Variants in GAB1 observed in about 807,000 individuals in gnomAD.
GAB1 encodes the protein GRB2-associated-binding protein 1.
A neutral mutation model predicts 66.5 loss-of-function variants in GAB1; 19 were observed. That is an observed-to-expected ratio of 0.29 (90% confidence interval 0.20 to 0.42). The LOEUF is 0.42. Ranked by LOEUF, GAB1 falls within the 10% of genes least tolerant of loss-of-function variation. The pLI is 1.00. For synonymous variants in GAB1, 294 were observed against 301.4 expected (o/e 0.98, Z 0.25); for missense variants, 732 against 858.5 (o/e 0.85, Z 1.84).
intron 2 of GAB1, chr4:143,425,025 G>A (rs917450378): frequency 2.3e-5 from 17 of 735,580 alleles, no homozygotes; most frequent in East Asian, 7.9e-5. Flanking sequence ...CTGGATTCCC[G>A]TTGTAACTTA....
At position 143,438,509 on chromosome 4, in the gene GAB1, C is replaced by A. The variant is rs1382073590; in HGVS notation, c.1104C>A (p.Asp368Glu). 6.8e-6 allele frequency: 11 copies of A among 1,613,930 alleles called. No individual in the cohort carries two copies. Among genetic ancestry groups the A allele is most frequent in the African/African-American group, 4.0e-5 (3 of 74,886 alleles). Residue 368 changes from aspartate to glutamate, a missense_variant, in exon 4 of 10, where the codon GAC becomes GAA. Coordinates refer to ENST00000262994, the MANE Select transcript of GAB1 (RefSeq NM_002039.4). ...GTAGTATCCCACGCACCGCCTCAGA[C>A]ACTGACAGTAGTTACTGTATCCCTA... ...ETCSIPRTASDTDSSYCIPTA... is the reference protein window; with the variant it reads ...ETCSIPRTASETDSSYCIPTA...
chr4:143,398,132 A>G (rs1357967592), intron 1 of GAB1, among the ~76,000 whole-genome samples: 2 of 152,216 alleles, frequency 1.3e-5, no homozygotes, highest in Non-Finnish European at 2.9e-5. Context: ...TCTTTCCTCC[A>G]TGAAAAAGCT....
chr4:143,377,701 ACTT>A (rs1157093216), intron 1 of GAB1, among the ~76,000 whole-genome samples: 1 of 152,152 alleles, frequency 6.6e-6, no homozygotes, highest in African/African-American at 2.4e-5. Context: ...GGACTTTCCC[ACTT>A]CTTTATGTAA....
At chr4:143,447,915 G>A (rs1187404548) in intron 6 of GAB1, among the ~76,000 whole-genome samples, 2 of 152,134 alleles carry the variant, frequency 1.3e-5, no homozygotes, top group Non-Finnish European at 1.5e-5. Flanking sequence ...TATGATATTG[G>A]CTGTGGGTTT....
At chr4:143,351,370 C>CCGG (rs1729212131) in intron 1 of GAB1, among the ~76,000 whole-genome samples, 1 of 152,190 alleles carries the variant, frequency 6.6e-6, no homozygotes, top group African/African-American at 2.4e-5. Context: ...TCCAGCTTCT[C>CCGG]CGGCCATACC....
At chr4:143,369,874 A>C (rs892294824) in intron 1 of GAB1, among the ~76,000 whole-genome samples, 6 of 152,382 alleles carry the variant, frequency 3.9e-5, no homozygotes, top group African/African-American at 1.4e-4. Context: ...ACTGGCTTCA[A>C]ATAAGCAAAA....
At chr4:143,346,516 A>G (rs1313610993) in intron 1 of GAB1, among the ~76,000 whole-genome samples, 5 of 152,172 alleles carry the variant, frequency 3.3e-5, no homozygotes, top group African/African-American at 2.4e-5. Flanking sequence ...GATTATCGAG[A>G]GAGAAGTGCT....
chr4:143,433,719 A>G lies in GAB1; in HGVS notation c.593+3A>G. ...AGCAAGAAGCCCGAACCCACCAGGT[A>G]AATTATATATGCCCATGTGAGAGAG... On this transcript the variant is annotated splice_donor_region_variant and intron_variant, in intron 3 of 9. Coordinates refer to ENST00000262994, the MANE Select transcript of GAB1 (RefSeq NM_002039.4). The G allele has an allele frequency of 6.2e-7, 1 of 1,604,584 alleles. No individual in the cohort carries two copies. Among genetic ancestry groups the G allele is most frequent in the South Asian group, 1.1e-5 (1 of 90,854 alleles).
intron 3 of GAB1, 108 bp from the exon 4 acceptor site, chr4:143,437,891 C>A: frequency 9.2e-7 from 1 of 1,091,908 alleles, no homozygotes; most frequent in Non-Finnish European, 1.3e-6. Flanking sequence ...CACAAAAAAT[C>A]TAATGAGAAA....
Position 143,440,266 on chromosome 4 carries a change from C to T in GAB1, c.1469C>T (p.Pro490Leu). The T allele has an allele frequency of 1.2e-6, 2 of 1,614,102 alleles. No individual in the cohort carries two copies. The highest frequency in any genetic ancestry group is 1.7e-6 in the Non-Finnish European group (2 of 1,180,002). The change falls in exon 6 of 10, where the codon CCT becomes CTT. Residue 490 changes from proline (P) to leucine (L), a missense_variant. By Grantham distance (98) the Pro-to-Leu change is moderately conservative. Transcript: ENST00000262994. ...TTTTCCTCATTTGGAATGCAAGTTC[C>T]TCCTCCTGCTCATATGGGCTTCAGG... is the stretch of plus-strand genomic sequence containing the variant. The part of the protein sequence containing the change: ...FDFSSFGMQV[P>L]PPAHMGFRSS...
intron 6 of GAB1, among the ~76,000 whole-genome samples, chr4:143,441,978 C>T (rs751458196): frequency 5.3e-5 from 8 of 152,182 alleles, no homozygotes; most frequent in Non-Finnish European, 1.0e-4. Context: ...GCTGTGATTG[C>T]GGTGTGGATC....
rs1729649939 is a variant in GAB1 at position 143,361,175 on chromosome 4, A to G, written c.72+23915A>G. The stretch of plus-strand genomic sequence containing the variant: ...ATACGCAACCTTCAGACATTCCAGA[A>G]AGTAACTGTGGATGCATTTTAGGGT... On this transcript the variant is annotated intron_variant, in intron 1 of 9. Coordinates refer to ENST00000262994, the MANE Select transcript of GAB1 (RefSeq NM_002039.4). 2.0e-5 allele frequency among the ~76,000 whole-genome samples: 3 copies of G among 152,278 alleles called. No homozygotes were observed. In the South Asian group the frequency reaches 6.2e-4, roughly 32 times the overall value.
chr4:143,360,536 A>G (rs1363737978), intron 1 of GAB1, among the ~76,000 whole-genome samples: 1 of 152,216 alleles, frequency 6.6e-6, no homozygotes, highest in Non-Finnish European at 1.5e-5. Context: ...CTTGGACACT[A>G]CAAAAATAGA....
At chr4:143,392,651 A>C (rs997575040) in intron 1 of GAB1, among the ~76,000 whole-genome samples, 1 of 152,202 alleles carries the variant, frequency 6.6e-6, no homozygotes, top group Admixed American at 6.5e-5. Flanking sequence ...AGGAGTCCTA[A>C]GTTAATAGTT....
rs1736001945 is a variant in GAB1, at chr4:143,470,002, T to C, written c.*813T>C. On this transcript the variant is annotated 3_prime_UTR_variant, in exon 10 of 10. Transcript: ENST00000262994. ...TGCAAAAGGTAGATTATGTAACCAA[T>C]CAGGTACGTACCAGGCAGTGATGTG... is the stretch of plus-strand genomic sequence containing the variant. The C allele has an allele frequency of 6.6e-6, 1 of 152,614 alleles. No homozygotes were observed. The highest frequency in any genetic ancestry group is 1.5e-5 in the Non-Finnish European group (1 of 68,044). The allele number at this position is 152,614 out of a possible 1,614,324, so 9.5% of individuals were successfully genotyped here.
chr4:143,412,897 T>C (rs974727629), intron 1 of GAB1, among the ~76,000 whole-genome samples: 1 of 152,116 alleles, frequency 6.6e-6, no homozygotes. Context: ...TATACAAGCA[T>C]AGCAATATGG....
At chr4:143,407,906 G>T (rs2149708193) in intron 1 of GAB1, among the ~76,000 whole-genome samples, 1 of 152,188 alleles carries the variant, frequency 6.6e-6, no homozygotes, top group South Asian at 2.1e-4. Context: ...AATTCCTAAA[G>T]TGCTTATTTT....
chr4:143,349,994 C>G (rs1729134439), intron 1 of GAB1: 2 of 1,581,902 alleles, frequency 1.3e-6, no homozygotes, highest in Admixed American at 3.4e-5. Flanking sequence ...TTATCCTCGG[C>G]CTTGCCTCCG....
At chr4:143,411,905 T>G (rs993820722) in intron 1 of GAB1, among the ~76,000 whole-genome samples, 1 of 152,198 alleles carries the variant, frequency 6.6e-6, no homozygotes, top group Admixed American at 6.5e-5. Context: ...ATTTTGTGAC[T>G]GAGACAAACA....
Sources: gnomAD v4.1 joint callset for allele counts (sites outside exome capture counted in the v4.1 genomes callset) on GRCh38, gnomAD v4.1.1 for gene constraint, MANE v1.5 for transcripts, NCBI Gene and HGNC (gene_info 2026-07-23, HGNC 2026-07-21) for gene names.